MALRD1: variants seen among roughly 807,000 people sequenced by gnomAD.
The protein encoded by MALRD1 is MAM and LDL receptor class A domain containing 1.
In MALRD1, 247 loss-of-function variants were observed where a neutral mutation model predicts 242.1. That is an observed-to-expected ratio of 1.02 (90% confidence interval 0.92 to 1.13). MALRD1 has a LOEUF of 1.13. Ranked by LOEUF, MALRD1 falls within the 50% of genes most tolerant of loss-of-function variation. MALRD1 has a pLI of 0.00. For missense variants in MALRD1, 2,989 were observed against 2,533.1 expected (o/e 1.18, Z -3.86); for synonymous variants, 995 against 866.6 (o/e 1.15, Z -2.60).
intron 36 of MALRD1, among the ~76,000 whole-genome samples, chr10:19,691,644 G>A (rs1842824700): frequency 6.6e-6 from 1 of 152,002 alleles, no homozygotes; most frequent in Non-Finnish European, 1.5e-5. Context: ...GAGGCAGAAG[G>A]TACTCTTTCA....
At chr10:19,496,665 G>T (rs1255656373) in intron 30 of MALRD1, among the ~76,000 whole-genome samples, 11 of 152,072 alleles carry the variant, frequency 7.2e-5, no homozygotes, top group Non-Finnish European at 1.6e-4. Context: ...GTTATTGATT[G>T]GTGGGACATC....
chr10:19,479,603 C>T (rs767352514), intron 29 of MALRD1, among the ~76,000 whole-genome samples: 24 of 152,114 alleles, frequency 1.6e-4, no homozygotes, highest in Admixed American at 7.9e-4. Flanking sequence ...GAATGAGGCA[C>T]GTATAAATTC....
chr10:19,607,726 C>G, intron 34 of MALRD1, 51 bp from the exon 35 acceptor site: 1 of 1,474,680 alleles, frequency 6.8e-7, no homozygotes, highest in Non-Finnish European at 9.1e-7. Flanking sequence ...TTCATTGGGA[C>G]AAAAAAAAAT....
intron 21 of MALRD1, among the ~76,000 whole-genome samples, chr10:19,294,599 G>A (rs1174944958): frequency 6.6e-6 from 1 of 152,144 alleles, no homozygotes; most frequent in Non-Finnish European, 1.5e-5. Context: ...TTTACTTACT[G>A]AAAGAGTGGT....
intron 33 of MALRD1, among the ~76,000 whole-genome samples, chr10:19,568,190 A>T (rs1225395573): frequency 2.0e-5 from 3 of 152,216 alleles, no homozygotes; most frequent in Non-Finnish European, 4.4e-5. Flanking sequence ...TTTCTAAAAA[A>T]GTCACCCCTT....
At chr10:19,274,626 T>A (rs1840414475) in intron 19 of MALRD1, among the ~76,000 whole-genome samples, 1 of 152,152 alleles carries the variant, frequency 6.6e-6, no homozygotes, top group African/African-American at 2.4e-5. Flanking sequence ...TAAATGGCTG[T>A]TTAAGACACT....
intron 29 of MALRD1, among the ~76,000 whole-genome samples, chr10:19,452,839 T>G (rs1835403302): frequency 6.6e-6 from 1 of 152,154 alleles, no homozygotes; most frequent in African/African-American, 2.4e-5. Flanking sequence ...ATCATAGTGG[T>G]TAAGAACAAG....
intron 23 of MALRD1, among the ~76,000 whole-genome samples, chr10:19,328,030 T>A (rs966792567): frequency 2.0e-5 from 3 of 152,138 alleles, no homozygotes; most frequent in African/African-American, 7.2e-5. Context: ...ATTTAAAAGA[T>A]AGTCTTTGGA....
intron 38 of MALRD1, chr10:19,710,619 C>A (rs545493063): frequency 5.9e-5 from 9 of 152,174 alleles, no homozygotes; most frequent in African/African-American, 2.2e-4. Flanking sequence ...TCCAAGCAAC[C>A]TATAGAACAA....
At chr10:19,384,554 T>C (rs930648449) in intron 26 of MALRD1, among the ~76,000 whole-genome samples, 2 of 122,896 alleles carry the variant, frequency 1.6e-5, no homozygotes, top group African/African-American at 6.3e-5. Flanking sequence ...ATATATTATA[T>C]ATTATATAGT....
chr10:19,229,464 C>T (rs1287766544), intron 18 of MALRD1, among the ~76,000 whole-genome samples: 1 of 152,132 alleles, frequency 6.6e-6, no homozygotes, highest in East Asian at 1.9e-4. Context: ...TCTGCAGCCT[C>T]TCTGGGTGTG....
At chr10:19,271,762 CA>C (rs2131850346) in intron 19 of MALRD1, among the ~76,000 whole-genome samples, 1 of 151,764 alleles carries the variant, frequency 6.6e-6, no homozygotes, top group Non-Finnish European at 1.5e-5. Flanking sequence ...GATTCTGTCT[CA>C]AAAAAATATA....
At chr10:19,531,394 T>A in intron 32 of MALRD1, 43 bp downstream of exon 32, 1 of 1,467,554 alleles carries the variant, frequency 6.8e-7, no homozygotes, top group Middle Eastern at 1.9e-4. Context: ...GAAATATGCA[T>A]GACATGTTTA....
chr10:19,129,712 A>G (rs1049590095), intron 8 of MALRD1, among the ~76,000 whole-genome samples: 3 of 149,496 alleles, frequency 2.0e-5, no homozygotes, highest in Non-Finnish European at 4.4e-5. Flanking sequence ...ATGAATAAAT[A>G]TATTCATAAT....
chr10:19,458,207 G>A (rs1024680858), intron 29 of MALRD1, among the ~76,000 whole-genome samples: 2 of 152,110 alleles, frequency 1.3e-5, no homozygotes, highest in Non-Finnish European at 2.9e-5. Flanking sequence ...GCAGGATGAA[G>A]TACGCAATGC....
At chr10:19,448,625 A>C (rs1454981110) in intron 28 of MALRD1, among the ~76,000 whole-genome samples, 1 of 152,088 alleles carries the variant, frequency 6.6e-6, no homozygotes, top group African/African-American at 2.4e-5. Context: ...ATGTCATTTT[A>C]TGTCATGTTA....
intron 10 of MALRD1, among the ~76,000 whole-genome samples, chr10:19,141,781 C>T (rs1003553359): frequency 1.1e-4 from 17 of 151,852 alleles, no homozygotes; most frequent in African/African-American, 3.6e-4. Context: ...TCACAGGGGA[C>T]GTTGGTATAA....
Position 19,562,385 on chromosome 10 carries a change from G to A in MALRD1, c.5479-5117G>A, listed in dbSNP as rs116218509. ...TCTAGATAGATAGAGAACTTGATGAGACTTCTGGAAGTAAAACTCATGAAA... is the reference window on the plus strand; with the variant it reads ...TCTAGATAGATAGAGAACTTGATGAAACTTCTGGAAGTAAAACTCATGAAA... On this transcript the variant is annotated intron_variant, in intron 32 of 39. Coordinates refer to ENST00000454679, the MANE Select transcript of MALRD1 (RefSeq NM_001142308.3). Among the ~76,000 whole-genome samples, 965 of 151,956 alleles carry A rather than the reference G, an allele frequency of 6.4e-3. 12 individuals are homozygous for A. Among genetic ancestry groups the A allele is most frequent in the African/African-American group, 0.022 (925 of 41,392 alleles).
At chr10:19,367,864 T>G (rs1368886009) in intron 26 of MALRD1, among the ~76,000 whole-genome samples, 1 of 152,134 alleles carries the variant, frequency 6.6e-6, no homozygotes, top group African/African-American at 2.4e-5. Context: ...TTAGTGATGT[T>G]GATCATTTTT....
Sources: gnomAD v4.1 joint callset for allele counts (sites outside exome capture counted in the v4.1 genomes callset) on GRCh38, gnomAD v4.1.1 for gene constraint, MANE v1.5 for transcripts, NCBI Gene and HGNC (gene_info 2026-07-23, HGNC 2026-07-21) for gene names.